Variants in SGCZ observed in about 807,000 individuals in gnomAD.
The protein encoded by SGCZ is sarcoglycan zeta, also known as zeta-sarcoglycan.
In SGCZ, 40 loss-of-function variants were observed where a neutral mutation model predicts 41.3. The observed-to-expected ratio is 0.97, with a 90% CI of 0.75 to 1.26. The LOEUF is 1.26. SGCZ is among the 50% of genes most tolerant of loss of function. The pLI, the probability that SGCZ is intolerant of heterozygous loss-of-function variation, is 0.00. For missense variants in SGCZ, 552 were observed against 369.8 expected, an observed-to-expected ratio of 1.49 and a Z score of -4.04; for synonymous variants, 206 against 137.5, an observed-to-expected ratio of 1.50 and a Z score of -3.49.
intron 2 of SGCZ, among the ~76,000 whole-genome samples, chr8:14,349,572 G>A (rs1464817521): frequency 6.6e-6 from 1 of 152,030 alleles, no homozygotes; most frequent in African/African-American, 2.4e-5. Flanking sequence ...CTCCAACATT[G>A]GGGGTAAAAG....
chr8:14,135,952 G>C (rs1011297339), intron 5 of SGCZ, among the ~76,000 whole-genome samples: 3 of 151,664 alleles, frequency 2.0e-5, no homozygotes, highest in African/African-American at 7.3e-5. Flanking sequence ...AATAGAAGAG[G>C]ATAAAATACT....
intron 3 of SGCZ, among the ~76,000 whole-genome samples, chr8:14,273,760 G>C (rs893952106): frequency 6.6e-6 from 1 of 152,106 alleles, no homozygotes; most frequent in Non-Finnish European, 1.5e-5. Context: ...ATGCAGCCTA[G>C]ATACTAAGTG....
intron 1 of SGCZ, among the ~76,000 whole-genome samples, chr8:15,203,652 A>C (rs1800968270): frequency 6.6e-6 from 1 of 152,230 alleles, no homozygotes; most frequent in African/African-American, 2.4e-5. Flanking sequence ...AGTGATAAAA[A>C]ATTGAGTGCA....
chr8:14,793,828 G>C lies in SGCZ; in HGVS notation c.40-238902C>G, dbSNP rs575113339. 8.5e-5 allele frequency among the ~76,000 whole-genome samples: 13 copies of C among 152,218 alleles called. No homozygotes were observed. In the East Asian group the frequency reaches 2.5e-3, roughly 29 times the overall value. On this transcript the variant is annotated intron_variant, in intron 1 of 7. Transcript: ENST00000382080. Reference sequence around the variant, plus strand: ...AAGTCTAGAGATTTTCTATTTGAAAGAAGCTGAAATAGAGGATCTTGGAAC... The same window carrying C: ...AAGTCTAGAGATTTTCTATTTGAAACAAGCTGAAATAGAGGATCTTGGAAC...
At chr8:14,341,227 G>T (rs1038081975) in intron 2 of SGCZ, among the ~76,000 whole-genome samples, 17 of 152,152 alleles carry the variant, frequency 1.1e-4, no homozygotes, top group African/African-American at 4.1e-4. Flanking sequence ...GAATAACTTT[G>T]CTATGAACAG....
intron 1 of SGCZ, among the ~76,000 whole-genome samples, chr8:15,197,848 C>A (rs1800777493): frequency 6.6e-6 from 1 of 151,696 alleles, no homozygotes; most frequent in Non-Finnish European, 1.5e-5. Context: ...ATTATACGCA[C>A]ACACATACCA....
intron 2 of SGCZ, among the ~76,000 whole-genome samples, chr8:14,479,727 A>ATTTCTTTTTTTTTTTTTT (rs1244101937): frequency 5.5e-5 from 6 of 109,384 alleles, no homozygotes; most frequent in South Asian, 3.0e-4. Flanking sequence ...CCAGAATTCT[A>ATTTCTTTTTTTTTTTTTT]CTTCTTTTTT....
chr8:15,077,429 T>A (rs1805576462), intron 1 of SGCZ, among the ~76,000 whole-genome samples: 2 of 152,224 alleles, frequency 1.3e-5, no homozygotes, highest in South Asian at 4.1e-4. Context: ...GTTGCAAGAA[T>A]TAGATTAGCA....
chr8:14,903,572 T>C (rs1006351091), intron 1 of SGCZ, among the ~76,000 whole-genome samples: 3 of 152,040 alleles, frequency 2.0e-5, no homozygotes, highest in African/African-American at 7.2e-5. Context: ...AACAGATAAA[T>C]GGGTATTAGC....
chr8:15,116,190 T>G (rs1807261587), intron 1 of SGCZ, among the ~76,000 whole-genome samples: 1 of 152,216 alleles, frequency 6.6e-6, no homozygotes, highest in African/African-American at 2.4e-5. Flanking sequence ...ACTCTTCATT[T>G]TTAAATGTAA....
intron 1 of SGCZ, among the ~76,000 whole-genome samples, chr8:14,788,457 T>C (rs1411146127): frequency 6.6e-6 from 1 of 152,176 alleles, no homozygotes; most frequent in African/African-American, 2.4e-5. Flanking sequence ...AGATACTTTG[T>C]TAACCGTGAA....
At chr8:14,281,398 T>G (rs192270677) in intron 3 of SGCZ, among the ~76,000 whole-genome samples, 2 of 152,126 alleles carry the variant, frequency 1.3e-5, no homozygotes, top group African/African-American at 4.8e-5. Context: ...ATCCTCAATT[T>G]TCCATGTCAT....
chr8:14,742,729 A>G (rs1000278940), intron 1 of SGCZ, among the ~76,000 whole-genome samples: 1 of 152,104 alleles, frequency 6.6e-6, no homozygotes, highest in Non-Finnish European at 1.5e-5. Flanking sequence ...TCCTGAGAAT[A>G]CAAAACACTA....
chr8:14,107,177 C>T (rs938691796), intron 6 of SGCZ, among the ~76,000 whole-genome samples: 3 of 151,852 alleles, frequency 2.0e-5, no homozygotes, highest in Middle Eastern at 3.4e-3. Flanking sequence ...GATAGCACCG[C>T]TGCACTCCAG....
At chr8:14,902,791 A>T (rs1799010151) in intron 1 of SGCZ, among the ~76,000 whole-genome samples, 1 of 152,130 alleles carries the variant, frequency 6.6e-6, no homozygotes, top group African/African-American at 2.4e-5. Flanking sequence ...CAGTTACCTT[A>T]ATCAGGAATA....
chr8:14,110,902 C>A (rs1802351324), intron 5 of SGCZ, among the ~76,000 whole-genome samples: 1 of 151,916 alleles, frequency 6.6e-6, no homozygotes, highest in Non-Finnish European at 1.5e-5. Context: ...ACTAAAAATA[C>A]AAAAATTAGC....
intron 1 of SGCZ, among the ~76,000 whole-genome samples, chr8:15,216,185 G>C (rs1444206893): frequency 6.6e-6 from 1 of 151,296 alleles, no homozygotes; most frequent in Non-Finnish European, 1.5e-5. Context: ...AAGAAAAAAG[G>C]ATGTTTTAAG....
chr8:14,337,083 C>G (rs1225638271), intron 2 of SGCZ, among the ~76,000 whole-genome samples: 2 of 152,126 alleles, frequency 1.3e-5, no homozygotes, highest in Non-Finnish European at 2.9e-5. Context: ...TAAGCCCTTT[C>G]AAGTATCTCC....
At chr8:14,701,019 A>G (rs1381057794) in intron 1 of SGCZ, among the ~76,000 whole-genome samples, 1 of 151,996 alleles carries the variant, frequency 6.6e-6, no homozygotes, top group African/African-American at 2.4e-5. Flanking sequence ...TTAAAATAAA[A>G]TATTTTAAAT....
Sources: gnomAD v4.1 joint callset for allele counts (sites outside exome capture counted in the v4.1 genomes callset) on GRCh38, gnomAD v4.1.1 for gene constraint, MANE v1.5 for transcripts, NCBI Gene and HGNC (gene_info 2026-07-23, HGNC 2026-07-21) for gene names.